The following PDCD6 variants were observed in gnomAD, a reference collection of about 807,000 sequenced individuals.
PDCD6 encodes the protein programmed cell death protein 6.
Under a neutral mutation model 28.3 loss-of-function variants are expected in PDCD6, and 12 were observed. The observed-to-expected ratio is 0.42, with a 90% confidence interval of 0.27 to 0.69. PDCD6 has a LOEUF of 0.69. Among genes scored for constraint, PDCD6 ranks in the 30% least tolerant of loss-of-function variants. The pLI is 0.22. For synonymous variants in PDCD6, 92 were observed against 108.0 expected, an observed-to-expected ratio of 0.85 and a Z score of 0.92; for missense variants, 226 against 269.9, an observed-to-expected ratio of 0.84 and a Z score of 1.14.
intron 2 of PDCD6, among the ~76,000 whole-genome samples, chr5:294,407 C>T (rs1739479067): frequency 7.4e-6 from 1 of 134,624 alleles, no homozygotes; most frequent in Non-Finnish European, 1.6e-5. Context: ...GAACAGAGGC[C>T]TCATCAAAGA....
At chr5:306,559 T>C in intron 3 of PDCD6, 43 bp from the exon 4 acceptor site, 2 of 1,605,558 alleles carry the variant, frequency 1.2e-6, no homozygotes, top group Non-Finnish European at 1.7e-6. Context: ...GTGAGTTTGC[T>C]GCAACTGATC....
At position 294,309 on chromosome 5, in the gene PDCD6, C is replaced by T. The variant is rs955092700; in HGVS notation, c.164-9868C>T. Among the ~76,000 whole-genome samples, 7 of 146,256 alleles carry T rather than the reference C, an allele frequency of 4.8e-5. No homozygotes were observed. In the East Asian group the frequency reaches 5.8e-4, roughly 12 times the overall value. ...CATTTGTGAATCACACGTCTCACAA[C>T]GTACTGGCACGCAGGATATGTGAAG... On this transcript the variant is annotated intron_variant, in intron 2 of 5. Coordinates refer to ENST00000264933, the MANE Select transcript of PDCD6 (RefSeq NM_013232.4).
Position 271,683 on chromosome 5 carries a change from C to CG in PDCD6, c.-37dup. The CG allele has an allele frequency of 1.6e-6, 2 of 1,252,054 alleles. No homozygotes were observed. The highest frequency in any genetic ancestry group is 2.2e-6 in the Non-Finnish European group (2 of 889,472). The allele number at this position is 1,252,054 out of a possible 1,614,324, so 77.6% of individuals were successfully genotyped here. A position where few individuals can be genotyped will look rare whatever the true frequency, so the allele number is the denominator to read the frequency against. On this transcript the variant is annotated 5_prime_UTR_variant, in exon 1 of 6. Coordinates refer to ENST00000264933, the MANE Select transcript of PDCD6 (RefSeq NM_013232.4). ...GGAGTCGGCCTGAGAGGTCTCTCGT[C>CG]GCTGCAGGCGCCTCAGCCCAGCCGC...
chr5:281,346 G>A (rs772277749), intron 2 of PDCD6, among the ~76,000 whole-genome samples: 7 of 152,194 alleles, frequency 4.6e-5, no homozygotes, highest in African/African-American at 9.7e-5. Flanking sequence ...TGAAGGTGGT[G>A]GAGATGGAGC....
Position 314,759 on chromosome 5 carries a change from T to C in PDCD6, c.*244T>C. Reference sequence around the variant, plus strand: ...GTCTCATTGTGCCATGAGGTAAATGTAATGTTTCAGGCATTCTGCTTGCAA... The same window carrying C: ...GTCTCATTGTGCCATGAGGTAAATGCAATGTTTCAGGCATTCTGCTTGCAA... On this transcript the variant is annotated 3_prime_UTR_variant, in exon 6 of 6. Coordinates refer to ENST00000264933, the MANE Select transcript of PDCD6 (RefSeq NM_013232.4). 1 of 593,450 alleles carries C rather than the reference T, an allele frequency of 1.7e-6. No homozygotes were observed. The highest frequency in any genetic ancestry group is 3.1e-6 in the Non-Finnish European group (1 of 321,408). 36.8% of individuals were successfully genotyped at this position (593,450 alleles called of 1,614,324 possible).
Position 279,241 on chromosome 5 carries a change from G to A in PDCD6, c.163+6469G>A, listed in dbSNP as rs370355775. Among the ~76,000 whole-genome samples the A allele has an allele frequency of 5.4e-4, 82 of 152,190 alleles. 1 individual carries two copies. In the East Asian group the frequency reaches 0.013, roughly 23 times the overall value. ...ACGCAGCCGCATCCTTGCCAGGGCC[G>A]GAGGGAGGGTGGATGGACTTATAGG... On this transcript the variant is annotated intron_variant, in intron 2 of 5. Coordinates refer to ENST00000264933, the MANE Select transcript of PDCD6 (RefSeq NM_013232.4).
At chr5:276,465 T>C in intron 2 of PDCD6, 2 of 985,948 alleles carry the variant, frequency 2.0e-6, no homozygotes, top group Non-Finnish European at 2.4e-6. Context: ...CTGAATTTCT[T>C]TATTTTAAGA....
At chr5:296,734 C>T (rs1370514355) in intron 2 of PDCD6, among the ~76,000 whole-genome samples, 1 of 152,178 alleles carries the variant, frequency 6.6e-6, no homozygotes, top group Non-Finnish European at 1.5e-5. Context: ...GAGGACGCTC[C>T]CTTCGAGGGT....
Position 281,052 on chromosome 5 carries a change from A to G in PDCD6, c.163+8280A>G, listed in dbSNP as rs1364504237. On this transcript the variant is annotated intron_variant, in intron 2 of 5. Transcript: ENST00000264933. The stretch of plus-strand genomic sequence containing the variant: ...GGCAGAGAGAAATAAGATCGCATCT[A>G]CAGCTGTGTGGTGATTTTCTTTAAA... Among the ~76,000 whole-genome samples the G allele has an allele frequency of 2.0e-5, 3 of 152,268 alleles. No individual in the cohort carries two copies. The South Asian group carries it at 6.2e-4, about 31-fold the overall frequency.
chr5:281,141 T>A (rs1738538811), intron 2 of PDCD6, among the ~76,000 whole-genome samples: 1 of 152,264 alleles, frequency 6.6e-6, no homozygotes, highest in African/African-American at 2.4e-5. Flanking sequence ...TGGACATAAG[T>A]AGATTGCAAG....
chr5:282,026 A>G (rs915595550), intron 2 of PDCD6, among the ~76,000 whole-genome samples: 10 of 151,166 alleles, frequency 6.6e-5, no homozygotes, highest in African/African-American at 2.5e-4. Flanking sequence ...AGGGCCCTGC[A>G]GCTGGAGATA....
chr5:297,719 G>C (rs943282190), intron 2 of PDCD6, among the ~76,000 whole-genome samples: 29 of 152,120 alleles, frequency 1.9e-4, no homozygotes, highest in African/African-American at 7.0e-4. Context: ...CAGGCCTCCT[G>C]GTGAACACAC....
intron 2 of PDCD6, chr5:289,110 T>C: frequency 1.7e-6 from 2 of 1,186,706 alleles, no homozygotes; most frequent in Non-Finnish European, 2.5e-6. Context: ...TTATTTTTCT[T>C]GATTTTTTCT....
intron 2 of PDCD6, among the ~76,000 whole-genome samples, chr5:295,348 G>T (rs1388545211): frequency 1.3e-5 from 2 of 152,286 alleles, no homozygotes; most frequent in Non-Finnish European, 2.9e-5. Flanking sequence ...CTCCATTGAA[G>T]GGCTCAGTAC....
At position 314,661 on chromosome 5, in the gene PDCD6, A is replaced by G; in HGVS notation, c.*146A>G. 1.4e-6 allele frequency: 1 copy of G among 704,860 alleles called. No individual in the cohort carries two copies. Among genetic ancestry groups the G allele is most frequent in the Non-Finnish European group, 2.6e-6 (1 of 387,156 alleles). 43.7% of individuals were successfully genotyped at this position (704,860 alleles called of 1,614,324 possible). A position where few individuals can be genotyped will look rare whatever the true frequency, so the allele number is the denominator to read the frequency against. The stretch of plus-strand genomic sequence containing the variant: ...TGGGGACCCAGCTGTACATATGTGG[A>G]TAAGCTGATTAATGGTTTTGCAACT... On this transcript the variant is annotated 3_prime_UTR_variant, in exon 6 of 6. Transcript: ENST00000264933.
chr5:290,377 G>T (rs987866980), intron 2 of PDCD6: 8 of 908,158 alleles, frequency 8.8e-6, no homozygotes, highest in Middle Eastern at 6.8e-4. Flanking sequence ...CTTGGGGACC[G>T]GAATGCCTCC....
intron 2 of PDCD6, among the ~76,000 whole-genome samples, chr5:287,900 T>C (rs1739075867): frequency 6.6e-6 from 1 of 152,192 alleles, no homozygotes; most frequent in Admixed American, 6.6e-5. Flanking sequence ...AAGCAAAAGT[T>C]CAAGGAACCT....
At position 314,494 on chromosome 5, in the gene PDCD6, C is replaced by T; in HGVS notation, c.555C>T (p.Ser185=). 2 of 1,613,196 alleles carry T rather than the reference C, an allele frequency of 1.2e-6. No homozygotes were observed. The highest frequency in any genetic ancestry group is 1.7e-6 in the Non-Finnish European group (2 of 1,179,346). ...WIQVSYEQYL[S]MVFSIV is the part of the protein sequence containing the mutation. ...AGGTGTCGTACGAACAGTACCTGTC[C>T]ATGGTCTTCAGTATCGTATGACCCT... Residue 185 remains serine, a synonymous_variant, in exon 6 of 6, where the codon TCC becomes TCT. Transcript: ENST00000264933.
At chr5:275,607 A>G (rs1738143744) in intron 2 of PDCD6, among the ~76,000 whole-genome samples, 1 of 152,184 alleles carries the variant, frequency 6.6e-6, no homozygotes, top group Admixed American at 6.5e-5. Flanking sequence ...CTCAACCAAT[A>G]TGATTCACAT....
Sources: allele counts gnomAD v4.1 joint callset (sites outside exome capture counted in the v4.1 genomes callset), GRCh38; gene constraint gnomAD v4.1.1; transcripts MANE v1.5; gene names NCBI Gene and HGNC (gene_info 2026-07-23, HGNC 2026-07-21).